The following TENM3 variants were observed in gnomAD, a reference collection of about 807,000 sequenced individuals.
TENM3 encodes the protein teneurin transmembrane protein 3.
A neutral mutation model predicts 255.1 loss-of-function variants in TENM3; 63 were observed. The observed-to-expected ratio is 0.25, with a 90% CI of 0.20 to 0.30. The LOEUF (loss-of-function observed/expected upper bound fraction) is 0.30, where lower values mean the gene tolerates loss of function less well. Among genes scored for constraint, TENM3 ranks in the 10% least tolerant of loss-of-function variants. The probability of loss-of-function intolerance (pLI) is 1.00; values close to 1 mark genes in which losing one functional copy is unlikely to be tolerated. For synonymous variants in TENM3, 1,306 were observed against 1,322.3 expected (o/e 0.99, Z 0.27); for missense variants, 2,929 against 3,461.1 (o/e 0.85, Z 3.86).
upstream of TENM3, chr4:182,141,814 G>A (rs1234126567): frequency 6.6e-6 from 1 of 152,118 alleles, no homozygotes; most frequent in Non-Finnish European, 1.5e-5. Flanking sequence ...CTGTAATGAG[G>A]ATTCTAGAAA....
At chr4:182,163,683 A>T (rs1452442172) in intron 1 of TENM3, among the ~76,000 whole-genome samples, 1 of 152,188 alleles carries the variant, frequency 6.6e-6, no homozygotes, top group East Asian at 1.9e-4. Flanking sequence ...CTCTTATTGT[A>T]AATGTGGCAC....
the TENM3 span, among the ~76,000 whole-genome samples, chr4:181,827,237 CA>C: frequency 1.3e-5 from 2 of 152,144 alleles, no homozygotes; most frequent in Non-Finnish European, 2.9e-5. Context: ...TGGTGGGAGA[CA>C]GGGGTAACTC....
chr4:182,568,268 A>AT (rs1299802359), intron 3 of TENM3, among the ~76,000 whole-genome samples: 5 of 152,270 alleles, frequency 3.3e-5, no homozygotes, highest in Non-Finnish European at 7.4e-5. Flanking sequence ...CCCTCAACAC[A>AT]TTTTGAGCTC....
At chr4:182,332,203 C>A (rs1580186856) in intron 2 of TENM3, among the ~76,000 whole-genome samples, 1 of 151,824 alleles carries the variant, frequency 6.6e-6, no homozygotes, top group East Asian at 1.9e-4. Context: ...AAATAAATAA[C>A]AAAAAGATAA....
chr4:182,064,100 T>G, the TENM3 span, among the ~76,000 whole-genome samples: 1 of 151,656 alleles, frequency 6.6e-6, no homozygotes, highest in Non-Finnish European at 1.5e-5. Context: ...CTAGCCTCAG[T>G]CTCCTCAACC....
intron 3 of TENM3, among the ~76,000 whole-genome samples, chr4:182,564,788 A>G (rs541128208): frequency 1.1e-4 from 16 of 152,294 alleles, no homozygotes; most frequent in African/African-American, 3.6e-4. Flanking sequence ...AACTCCTGCA[A>G]TGATCTAACA....
chr4:182,026,098 A>T, the TENM3 span, among the ~76,000 whole-genome samples: 1 of 152,174 alleles, frequency 6.6e-6, no homozygotes, highest in African/African-American at 2.4e-5. Context: ...TCCTTGTGAC[A>T]GTTTACTGAG....
At chr4:182,106,744 G>T in the TENM3 span, among the ~76,000 whole-genome samples, 1 of 152,124 alleles carries the variant, frequency 6.6e-6, no homozygotes, top group Non-Finnish European at 1.5e-5. Flanking sequence ...CATAATAAGT[G>T]CTATGTAAGA....
the TENM3 span, among the ~76,000 whole-genome samples, chr4:181,954,355 TAC>T: frequency 4.0e-3 from 603 of 152,322 alleles, 6 homozygotes; most frequent in Non-Finnish European, 5.7e-3. Flanking sequence ...AAAACTGTTT[TAC>T]AAAGTGTTTG....
Position 182,793,722 on chromosome 4 carries a change from C to A in TENM3, c.7050C>A (p.Ile2350=), listed in dbSNP as rs1413665186. 3 of 1,613,962 alleles carry A rather than the reference C, an allele frequency of 1.9e-6. No individual in the cohort carries two copies. Among genetic ancestry groups the A allele is most frequent in the African/African-American group, 2.7e-5 (2 of 75,026 alleles). The stretch of plus-strand genomic sequence containing the variant: ...TGTATGACCCACTCACCAAATTAAT[C>A]CACTTTGGAGAAAGAGATTATGACA... ...GGLYDPLTKL[I]HFGERDYDIL... The change falls in exon 26 of 28, where the codon ATC becomes ATA. Residue 2350 remains isoleucine, a synonymous_variant. Transcript: ENST00000511685. This position sits in a 1 kb window ranked among gnomAD's most constrained non-coding sequence, Gnocchi z 5.7.
chr4:181,793,069 A>T, the TENM3 span, among the ~76,000 whole-genome samples: 12 of 152,100 alleles, frequency 7.9e-5, no homozygotes, highest in Admixed American at 7.9e-4. Context: ...AGACGCTAAG[A>T]TTTTACTTCT....
chr4:182,582,202 T>A lies in TENM3; in HGVS notation c.512-18722T>A, dbSNP rs977990039. Among the ~76,000 whole-genome samples, 8 of 152,328 alleles carry A rather than the reference T, an allele frequency of 5.3e-5. No homozygotes were observed. The East Asian group carries it at 1.3e-3, about 26-fold the overall frequency. ...AAAGCAAGCATTCTTCCATTTAAAA[T>A]TGAATTTCTACGGTACTGCCTTAAT... On this transcript the variant is annotated intron_variant, in intron 3 of 27. Transcript: ENST00000511685.
the TENM3 span, among the ~76,000 whole-genome samples, chr4:181,582,629 A>C: frequency 6.6e-6 from 1 of 150,800 alleles, no homozygotes; most frequent in Non-Finnish European, 1.5e-5. Context: ...CCTGGGCAAC[A>C]GAGTGAGACT....
chr4:181,629,340 C>T, the TENM3 span, among the ~76,000 whole-genome samples: 28 of 152,130 alleles, frequency 1.8e-4, no homozygotes, highest in African/African-American at 9.7e-5. Context: ...CTTTCTCCTG[C>T]CTGATTGCCC....
intron 3 of TENM3, among the ~76,000 whole-genome samples, chr4:182,552,931 C>G (rs1742197110): frequency 6.6e-6 from 1 of 152,102 alleles, no homozygotes. Context: ...GTTTTTGTAT[C>G]ATCTTTCAGA....
At chr4:181,741,177 C>CAAT in the TENM3 span, among the ~76,000 whole-genome samples, 1 of 152,124 alleles carries the variant, frequency 6.6e-6, no homozygotes, top group Non-Finnish European at 1.5e-5. Context: ...ACTGAAATAT[C>CAAT]AATAATAACA....
At chr4:182,352,270 A>G (rs1159295080) in intron 3 of TENM3, among the ~76,000 whole-genome samples, 1 of 152,036 alleles carries the variant, frequency 6.6e-6, no homozygotes, top group Admixed American at 6.6e-5. Flanking sequence ...AAAACCCCAC[A>G]TCCCTTTTAA....
chr4:182,363,960 C>G (rs34935618), intron 3 of TENM3, among the ~76,000 whole-genome samples: 27,113 of 151,892 alleles, frequency 0.18, 2,596 homozygotes, highest in Non-Finnish European at 0.2. Context: ...AAAATATTTT[C>G]TTGTAATGGA....
intron 3 of TENM3, among the ~76,000 whole-genome samples, chr4:182,554,339 C>G (rs571108715): frequency 6.6e-6 from 1 of 152,276 alleles, no homozygotes; most frequent in Middle Eastern, 3.4e-3. Context: ...AATTAACTGA[C>G]CTCATCCCAT....
Sources: gnomAD v4.1 joint callset for allele counts (sites outside exome capture counted in the v4.1 genomes callset) on GRCh38, gnomAD v4.1.1 for gene constraint, Gnocchi (gnomAD v3.1) non-coding constraint, MANE v1.5 for transcripts, NCBI Gene and HGNC (gene_info 2026-07-23, HGNC 2026-07-21) for gene names.